PLCB3: variants seen among roughly 807,000 people sequenced by gnomAD.
The protein encoded by PLCB3 is 1-phosphatidylinositol 4,5-bisphosphate phosphodiesterase beta-3.
A neutral mutation model predicts 152.1 loss-of-function variants in PLCB3; 54 were observed. That is an observed-to-expected ratio of 0.36 (90% confidence interval 0.29 to 0.45). PLCB3 has a LOEUF of 0.45. PLCB3 is among the 20% of genes least tolerant of loss of function. PLCB3 has a pLI of 1.00. For synonymous variants in PLCB3, 717 were observed against 698.7 expected (o/e 1.03, Z -0.41); for missense variants, 1,248 against 1,687.5 (o/e 0.74, Z 4.56).
Position 64,255,150 on chromosome 11 carries a change from C to A in PLCB3, c.388-84C>A. ...GGCTGCTCTGTGACCTACTGTGTAC[C>A]AGAGGCAGTTGTGGACCTGGGTTGT... On this transcript the variant is annotated intron_variant, in intron 4 of 30. Coordinates refer to ENST00000279230, the MANE Select transcript of PLCB3 (RefSeq NM_000932.5). The surrounding 1 kb of genome is among the most constrained non-coding windows in gnomAD (Gnocchi z 6.8). The A allele has an allele frequency of 1.3e-6, 2 of 1,526,902 alleles. No individual in the cohort carries two copies. The highest frequency in any genetic ancestry group is 1.8e-6 in the Non-Finnish European group (2 of 1,102,270). 94.6% of individuals were successfully genotyped at this position (1,526,902 alleles called of 1,614,324 possible).
chr11:64,256,576 G>C (rs28395875), intron 9 of PLCB3, 34 bp downstream of exon 9: 241,392 of 1,613,148 alleles, frequency 0.15, 19,268 homozygotes, highest in Middle Eastern at 0.17. Context: ...GGTGGGGGCA[G>C]GTGGGACCCC....
chr11:64,267,805 G>T lies in PLCB3; in HGVS notation c.*249G>T. On this transcript the variant is annotated 3_prime_UTR_variant, in exon 31 of 31. Coordinates refer to ENST00000279230, the MANE Select transcript of PLCB3 (RefSeq NM_000932.5). The surrounding 1 kb of genome is among the most constrained non-coding windows in gnomAD (Gnocchi z 5.2). ...ACACCCACACCCTCGAGCTAGCAGC[G>T]TCTCCTCCCTTCCCCGGGAGAGCTG... 2.2e-6 allele frequency: 1 copy of T among 456,498 alleles called. No individual in the cohort carries two copies. Among genetic ancestry groups the T allele is most frequent in the Non-Finnish European group, 3.9e-6 (1 of 258,396 alleles). The allele number at this position is 456,498 out of a possible 1,614,324, so 28.3% of individuals were successfully genotyped here.
Position 64,261,674 on chromosome 11 carries a change from T to C in PLCB3, c.1913+9T>C. The C allele has an allele frequency of 1.9e-6, 3 of 1,612,388 alleles. No individual in the cohort carries two copies. The highest frequency in any genetic ancestry group is 2.5e-6 in the Non-Finnish European group (3 of 1,178,584). ...CCCATGGAGTTTGTGGAGTATCCTT[T>C]GAAGGTGCTGTGGGCGGGCAGGCCA... On this transcript the variant is annotated intron_variant, in intron 16 of 30. Transcript: ENST00000279230.
In PLCB3 at chr11:64,259,930, C is replaced by G. The variant is rs958947977; in HGVS notation, c.1526-99C>G. 1.0e-5 allele frequency: 10 copies of G among 977,362 alleles called. 1 individual carries two copies. Among genetic ancestry groups the G allele is most frequent in the African/African-American group, 4.9e-5 (3 of 61,062 alleles). 60.5% of individuals were successfully genotyped at this position (977,362 alleles called of 1,614,324 possible). On this transcript the variant is annotated intron_variant, in intron 13 of 30. Coordinates refer to ENST00000279230, the MANE Select transcript of PLCB3 (RefSeq NM_000932.5). ...GCCCTGAGAGTACCCCTTGAATTCC[C>G]CACTGAGTCACCTCGGCACACACTG... is the stretch of plus-strand genomic sequence containing the variant.
In PLCB3 at chr11:64,267,614, C is replaced by A; in HGVS notation, c.*58C>A. 7.4e-6 allele frequency: 8 copies of A among 1,078,712 alleles called. No homozygotes were observed. Among genetic ancestry groups the A allele is most frequent in the Non-Finnish European group, 1.1e-5 (8 of 756,208 alleles). 66.8% of individuals were successfully genotyped at this position (1,078,712 alleles called of 1,614,324 possible). On this transcript the variant is annotated 3_prime_UTR_variant, in exon 31 of 31. Transcript: ENST00000279230. This position sits in a 1 kb window ranked among gnomAD's most constrained non-coding sequence, Gnocchi z 5.2. ...CGGGCGCTGGGTGGAGGGCAGGAGG[C>A]AATGACACTAATGCTTTTTTTTTTT...
chr11:64,253,054 G>A (rs1274174384), intron 1 of PLCB3, among the ~76,000 whole-genome samples: 1 of 152,214 alleles, frequency 6.6e-6, no homozygotes, highest in African/African-American at 2.4e-5. Flanking sequence ...AATTTTGGGG[G>A]CCTTCTGTTC....
chr11:64,267,444 G>A lies in PLCB3; in HGVS notation c.3593G>A (p.Gly1198Glu), dbSNP rs1420085333. The A allele has an allele frequency of 3.2e-6, 5 of 1,552,732 alleles. No homozygotes were observed. In the South Asian group the frequency reaches 5.9e-5, roughly 18 times the overall value. The part of the protein sequence containing the change: ...RRSLLGEMPE[G>E]LGDGPLVACA... ...AGCCTGCTGGGCGAGATGCCGGAGGGGCTGGGGGACGGGCCTCTGGTGGCC... is the reference window on the plus strand; with the variant it reads ...AGCCTGCTGGGCGAGATGCCGGAGGAGCTGGGGGACGGGCCTCTGGTGGCC... The change falls in exon 31 of 31, where the codon GGG becomes GAG. Residue 1198 changes from glycine to glutamate, a missense_variant. Gly to Glu is a moderately conservative substitution (Grantham distance 98). Around this residue, in one of 6 missense-constraint regions of PLCB3, gnomAD observed 477 missense variants for 489.6 expected, o/e 0.97. Transcript: ENST00000279230. The surrounding 1 kb of genome is among the most constrained non-coding windows in gnomAD (Gnocchi z 5.2).
At chr11:64,257,021 T>TTTTTTTTA (rs869256142) in intron 10 of PLCB3, among the ~76,000 whole-genome samples, 5 of 124,322 alleles carry the variant, frequency 4.0e-5, no homozygotes, top group South Asian at 2.6e-4. Context: ...TTTTTTTTTT[T>TTTTTTTTA]GAGACAGAGT....
At position 64,264,040 on chromosome 11, in the gene PLCB3, C is replaced by T. The variant is rs2031989526; in HGVS notation, c.2580C>T (p.Ile860=). 1 of 1,574,854 alleles carries T rather than the reference C, an allele frequency of 6.3e-7. No individual in the cohort carries two copies. Among genetic ancestry groups the T allele is most frequent in the Admixed American group, 1.9e-5 (1 of 53,118 alleles). Residue 860 remains isoleucine, a synonymous_variant, in exon 22 of 31, where the codon ATC becomes ATT. Coordinates refer to ENST00000279230, the MANE Select transcript of PLCB3 (RefSeq NM_000932.5). ...CCCCAGACTATGCGGAGGCCCTGAT[C>T]AACCCCATTAAGCACGTCAGCCTGA... ...DDHQDYAEAL[I]NPIKHVSLMD...
intron 22 of PLCB3, 77 bp downstream of exon 22, chr11:64,264,189 G>A (rs2031998170): frequency 1.0e-6 from 1 of 981,690 alleles, no homozygotes; most frequent in Non-Finnish European, 1.5e-6. Flanking sequence ...GGCCACATGA[G>A]GAGGGGGCTT....
In PLCB3 at chr11:64,258,570, G is replaced by T; in HGVS notation, c.1110G>T (p.Pro370=). ...AGCTGGACGTGTGGAAGGGACGGCC[G>T]CCTGAGGAGGAACCCTTCATTACCC... ...CVELDVWKGR[P]PEEEPFITHG... The change falls in exon 11 of 31, where the codon CCG becomes CCT. Residue 370 remains proline, a synonymous_variant. Coordinates refer to ENST00000279230, the MANE Select transcript of PLCB3 (RefSeq NM_000932.5). This position sits in a 1 kb window ranked among gnomAD's most constrained non-coding sequence, Gnocchi z 7.2. The T allele has an allele frequency of 6.2e-7, 1 of 1,613,974 alleles. No homozygotes were observed. The highest frequency in any genetic ancestry group is 1.3e-5 in the African/African-American group (1 of 75,056).
rs1056254088 is a variant in PLCB3 at position 64,256,366 on chromosome 11, T to C, written c.699-10T>C. The C allele has an allele frequency of 6.2e-7, 1 of 1,611,816 alleles. No individual in the cohort carries two copies. Among genetic ancestry groups the C allele is most frequent in the Non-Finnish European group, 8.5e-7 (1 of 1,179,432 alleles). On this transcript the variant is annotated splice_polypyrimidine_tract_variant and intron_variant, in intron 8 of 30. Transcript: ENST00000279230. ...GGCTCCATCCTGACCCAGCTTCCTG[T>C]CCCCTCCAGAGGCGCCAAGGGCAAG...
chr11:64,253,693 G>A (rs1294015045), intron 1 of PLCB3, among the ~76,000 whole-genome samples: 2 of 152,162 alleles, frequency 1.3e-5, no homozygotes, highest in Admixed American at 6.5e-5. Flanking sequence ...GCCAGGGACC[G>A]GGCCCTTCTT....
rs751127522 is a variant in PLCB3 at position 64,255,285 on chromosome 11, G to A, written c.439G>A (p.Ala147Thr). ...KLAMNILAQN[A>T]SRNTFLRKAY... ...GGCTATGAACATCCTGGCTCAGAACGCCTCCCGGAACACCTTCCTGCGCAA... is the reference window on the plus strand; with the variant it reads ...GGCTATGAACATCCTGGCTCAGAACACCTCCCGGAACACCTTCCTGCGCAA... The change falls in exon 5 of 31, where the codon GCC becomes ACC. Residue 147 changes from alanine (A) to threonine (T), a missense_variant. By Grantham distance (58) the Ala-to-Thr change is moderately conservative. Transcript: ENST00000279230. The surrounding 1 kb of genome is among the most constrained non-coding windows in gnomAD (Gnocchi z 6.8). 3 of 1,613,846 alleles carry A rather than the reference G, an allele frequency of 1.9e-6. No individual in the cohort carries two copies. The highest frequency in any genetic ancestry group is 2.5e-6 in the Non-Finnish European group (3 of 1,179,948).
chr11:64,251,675 A>G lies in PLCB3; in HGVS notation c.26A>G (p.His9Arg), dbSNP rs1233394546. Residue 9 changes from histidine to arginine, a missense_variant, in exon 1 of 31, where the codon CAC (histidine) becomes CGC (arginine). Physicochemically the swap from His to Arg is conservative, Grantham distance 29. Coordinates refer to ENST00000279230, the MANE Select transcript of PLCB3 (RefSeq NM_000932.5). MAGAQPGV[H>R]ALQLEPPTVV... Reference sequence around the variant, plus strand: ...ATGGCGGGCGCCCAGCCCGGCGTCCACGCGCTGCAGTTGGAGCCGCCCACC... The same window carrying G: ...ATGGCGGGCGCCCAGCCCGGCGTCCGCGCGCTGCAGTTGGAGCCGCCCACC... The G allele has an allele frequency of 6.8e-7, 1 of 1,473,922 alleles. No individual in the cohort carries two copies. The highest frequency in any genetic ancestry group is 9.0e-7 in the Non-Finnish European group (1 of 1,109,362). 91.3% of individuals were successfully genotyped at this position (1,473,922 alleles called of 1,614,324 possible).
Position 64,265,827 on chromosome 11 carries a change from C to A in PLCB3, c.3036-59C>A, listed in dbSNP as rs74427907. The A allele has an allele frequency of 2.7e-3, 4,221 of 1,574,814 alleles. 97 individuals are homozygous for A. In the African/African-American group the frequency reaches 0.051, roughly 19 times the overall value. On this transcript the variant is annotated intron_variant, in intron 25 of 30. Coordinates refer to ENST00000279230, the MANE Select transcript of PLCB3 (RefSeq NM_000932.5). ...GCCAGGATGTGCCCCCCTACACACC[C>A]TCCCCATCCCAGTCCATGTGACGGG...
Position 64,265,022 on chromosome 11 carries a change from C to T in PLCB3, c.2724C>T (p.Pro908=), listed in dbSNP as rs764341516. 8.7e-6 allele frequency: 14 copies of T among 1,600,766 alleles called. No homozygotes were observed. Among genetic ancestry groups the T allele is most frequent in the African/African-American group, 1.4e-5 (1 of 73,920 alleles). Residue 908 remains proline (P), a synonymous_variant, in exon 23 of 31, where the codon CCC becomes CCT. Coordinates refer to ENST00000279230, the MANE Select transcript of PLCB3 (RefSeq NM_000932.5). ...TGGGGTCTCAGCCGTCCTCAAACCC[C>T]ACCCCCAGCCCACTGGATGCCTCCC... is the stretch of plus-strand genomic sequence containing the variant. The part of the protein sequence containing the change: ...QQLGSQPSSN[P]TPSPLDASPR...
At position 64,259,336 on chromosome 11, in the gene PLCB3, C is replaced by T. The variant is rs1488156945; in HGVS notation, c.1525+92C>T. On this transcript the variant is annotated intron_variant, in intron 13 of 30. Coordinates refer to ENST00000279230, the MANE Select transcript of PLCB3 (RefSeq NM_000932.5). ...TGACACTTCATCCCAGACCCCCAGC[C>T]CACCCTCCTGCCTCGCTGTGCGCCT... The T allele has an allele frequency of 8.4e-6, 9 of 1,077,698 alleles. No homozygotes were observed. The South Asian group carries it at 1.2e-4, about 14-fold the overall frequency. The allele number at this position is 1,077,698 out of a possible 1,614,324, so 66.8% of individuals were successfully genotyped here. A position where few individuals can be genotyped will look rare whatever the true frequency, so the allele number is the denominator to read the frequency against.
rs1247756043 is a variant in PLCB3, at chr11:64,258,148, C to T, written c.1013-325C>T. ...CAGCCTGGGTGACAGAGCGAGGTTCCGTCTCAAAAAAAAAAAAAAAAGAGA... is the reference window on the plus strand; with the variant it reads ...CAGCCTGGGTGACAGAGCGAGGTTCTGTCTCAAAAAAAAAAAAAAAAGAGA... On this transcript the variant is annotated intron_variant, in intron 10 of 30. Transcript: ENST00000279230. This position sits in a 1 kb window ranked among gnomAD's most constrained non-coding sequence, Gnocchi z 7.2. Among the ~76,000 whole-genome samples the T allele has an allele frequency of 2.1e-5, 3 of 143,082 alleles. No homozygotes were observed. The highest frequency in any genetic ancestry group is 2.2e-4 in the South Asian group (1 of 4,568). 93.9% of individuals were successfully genotyped at this position (143,082 alleles called of 152,430 possible).
Sources: allele counts gnomAD v4.1 joint callset (sites outside exome capture counted in the v4.1 genomes callset), GRCh38; gene constraint gnomAD v4.1.1; regional missense constraint gnomAD v4.1.1; non-coding constraint Gnocchi (gnomAD v3.1); transcripts MANE v1.5; gene names NCBI Gene and HGNC (gene_info 2026-07-23, HGNC 2026-07-21).